Variants in RAP1A observed in about 807,000 individuals in gnomAD.
RAP1A encodes the protein ras-related protein Rap-1A.
A neutral mutation model predicts 26.4 loss-of-function variants in RAP1A; 6 were observed. That is an observed-to-expected ratio of 0.23 (90% CI 0.12 to 0.45). RAP1A has a LOEUF of 0.45. RAP1A is among the 20% of genes least tolerant of loss of function. RAP1A has a pLI of 0.99. For synonymous variants in RAP1A, 73 were observed against 79.4 expected, an observed-to-expected ratio of 0.92 and a Z score of 0.43; for missense variants, 121 against 217.2, an observed-to-expected ratio of 0.56 and a Z score of 2.78.
chr1:111,561,756 G>C (rs1441824798), intron 1 of RAP1A, among the ~76,000 whole-genome samples: 4 of 152,156 alleles, frequency 2.6e-5, no homozygotes, highest in Non-Finnish European at 5.9e-5. Flanking sequence ...GTGTGTATGT[G>C]TGTGTACGTA....
chr1:111,558,876 CA>C (rs1351447890), intron 1 of RAP1A, among the ~76,000 whole-genome samples: 1 of 152,106 alleles, frequency 6.6e-6, no homozygotes, highest in Non-Finnish European at 1.5e-5. Flanking sequence ...ATTATTTAAA[CA>C]ACACCATAAG....
At chr1:111,641,654 C>T (rs561208665) in intron 1 of RAP1A, among the ~76,000 whole-genome samples, 5 of 152,094 alleles carry the variant, frequency 3.3e-5, no homozygotes, top group East Asian at 1.9e-4. Flanking sequence ...TGTGTGCGCG[C>T]GCATGCACAT....
At position 111,649,123 on chromosome 1, in the gene RAP1A, G is replaced by T. The variant is rs182472501; in HGVS notation, c.-28+29189G>T. Reference sequence around the variant, plus strand: ...GTAGCAAGATGGGCATTGTCAATCTGCAGAACGATGTGGGCATTGTCCACA... The same window carrying T: ...GTAGCAAGATGGGCATTGTCAATCTTCAGAACGATGTGGGCATTGTCCACA... On this transcript the variant is annotated intron_variant, in intron 1 of 7. Transcript: ENST00000369709. The T allele has an allele frequency of 4.4e-3, 2,565 of 587,024 alleles. 11 individuals carry two copies. Among genetic ancestry groups the T allele is most frequent in the Non-Finnish European group, 6.8e-3 (2,063 of 302,464 alleles). 36.4% of individuals were successfully genotyped at this position (587,024 alleles called of 1,614,324 possible). A position where few individuals can be genotyped will look rare whatever the true frequency, so the allele number is the denominator to read the frequency against.
Position 111,589,372 on chromosome 1 carries a change from G to T in RAP1A, c.-28+46863G>T, listed in dbSNP as rs138411848. Reference sequence around the variant, plus strand: ...AGGCAGGAGGATTATTTGAGCCCAGGAATTCAAGTCAAGCCTAGGCAACAT... The same window carrying T: ...AGGCAGGAGGATTATTTGAGCCCAGTAATTCAAGTCAAGCCTAGGCAACAT... On this transcript the variant is annotated intron_variant, in intron 1 of 7. Transcript: ENST00000356415. Among the ~76,000 whole-genome samples the T allele has an allele frequency of 8.1e-3, 1,232 of 152,278 alleles. 3 individuals are homozygous for T. Among genetic ancestry groups the T allele is most frequent in the Non-Finnish European group, 0.013 (852 of 68,030 alleles).
intron 1 of RAP1A, among the ~76,000 whole-genome samples, chr1:111,567,590 G>C (rs1340271003): frequency 1.3e-5 from 2 of 152,204 alleles, no homozygotes; most frequent in African/African-American, 4.8e-5. Flanking sequence ...CTTTATGGAG[G>C]TAACTGAGGT....
chr1:111,644,679 T>C (rs1660010252), intron 1 of RAP1A, among the ~76,000 whole-genome samples: 1 of 152,212 alleles, frequency 6.6e-6, no homozygotes, highest in African/African-American at 2.4e-5. Flanking sequence ...ACATAGATGG[T>C]CAGCTGGTAA....
chr1:111,551,613 G>A (rs1657260980), intron 1 of RAP1A, among the ~76,000 whole-genome samples: 1 of 152,076 alleles, frequency 6.6e-6, no homozygotes, highest in Non-Finnish European at 1.5e-5. Flanking sequence ...ATTGCTTTAT[G>A]TAGCTGTCTT....
chr1:111,659,986 A>C (rs1037021353), intron 1 of RAP1A, among the ~76,000 whole-genome samples: 1 of 152,332 alleles, frequency 6.6e-6, no homozygotes, highest in Admixed American at 6.5e-5. Context: ...TATTTTGAAC[A>C]AACTGTATAT....
intron 1 of RAP1A, among the ~76,000 whole-genome samples, chr1:111,598,358 C>T (rs1349200938): frequency 6.6e-6 from 1 of 152,108 alleles, no homozygotes; most frequent in Non-Finnish European, 1.5e-5. Context: ...ACTGAGTTTA[C>T]ATATAAGTAA....
intron 1 of RAP1A, among the ~76,000 whole-genome samples, chr1:111,566,020 A>G (rs1427797022): frequency 6.6e-6 from 1 of 152,066 alleles, no homozygotes; most frequent in Non-Finnish European, 1.5e-5. Flanking sequence ...CAGAATGATG[A>G]GTCCTGAAGT....
At position 111,613,878 on chromosome 1, in the gene RAP1A, G is replaced by C. The variant is rs114979153; in HGVS notation, c.-28+71369G>C. Among the ~76,000 whole-genome samples, 1,467 of 152,296 alleles carry C rather than the reference G, an allele frequency of 9.6e-3. 18 individuals are homozygous for C. Among genetic ancestry groups the C allele is most frequent in the African/African-American group, 0.034 (1,398 of 41,540 alleles). ...CACTAATATAGATAACATCGGTTTAGTTAATTCAAGTATACAAATAACCAG... is the reference window on the plus strand; with the variant it reads ...CACTAATATAGATAACATCGGTTTACTTAATTCAAGTATACAAATAACCAG... On this transcript the variant is annotated intron_variant, in intron 1 of 7. Transcript: ENST00000356415.
At chr1:111,657,004 C>T (rs1660481558) in intron 1 of RAP1A, among the ~76,000 whole-genome samples, 1 of 151,450 alleles carries the variant, frequency 6.6e-6, no homozygotes, top group Non-Finnish European at 1.5e-5. Flanking sequence ...ATTCCCCATC[C>T]CCCTTCTCCG....
upstream of RAP1A, among the ~76,000 whole-genome samples, chr1:111,614,995 C>T (rs1658989406): frequency 6.6e-6 from 1 of 152,042 alleles, no homozygotes; most frequent in African/African-American, 2.4e-5. Context: ...CAATATGAGA[C>T]AGGCCTTCAA....
chr1:111,582,891 C>A (rs974422471), intron 1 of RAP1A, among the ~76,000 whole-genome samples: 32 of 152,314 alleles, frequency 2.1e-4, no homozygotes, highest in Admixed American at 1.3e-4. Flanking sequence ...CCCACCTAGG[C>A]CAGAGCCTGG....
chr1:111,695,721 A>C (rs1473108009), intron 3 of RAP1A, among the ~76,000 whole-genome samples: 1 of 152,202 alleles, frequency 6.6e-6, no homozygotes, highest in Non-Finnish European at 1.5e-5. Context: ...TGTTACCAAC[A>C]ATTAAGACCA....
chr1:111,634,621 G>A (rs1343683649), intron 1 of RAP1A, among the ~76,000 whole-genome samples: 3 of 150,632 alleles, frequency 2.0e-5, no homozygotes, highest in East Asian at 1.9e-4. Flanking sequence ...ATGTATGTAT[G>A]TATGTATTTA....
chr1:111,611,734 A>G (rs2101080268), intron 1 of RAP1A, among the ~76,000 whole-genome samples: 1 of 152,264 alleles, frequency 6.6e-6, no homozygotes, highest in South Asian at 2.1e-4. Context: ...CAGAATTTGA[A>G]CTCACGCTGT....
chr1:111,708,859 A>G (rs1662282441), intron 6 of RAP1A, among the ~76,000 whole-genome samples: 1 of 152,090 alleles, frequency 6.6e-6, no homozygotes, highest in African/African-American at 2.4e-5. Context: ...TGTTGGTACT[A>G]TTTTTGCAAC....
intron 1 of RAP1A, among the ~76,000 whole-genome samples, chr1:111,641,321 T>C (rs1219243591): frequency 2.0e-5 from 3 of 152,204 alleles, no homozygotes; most frequent in Non-Finnish European, 2.9e-5. Context: ...TTCACTCTTA[T>C]TCTGTTCTTA....
Sources: gnomAD v4.1 joint callset for allele counts (sites outside exome capture counted in the v4.1 genomes callset) on GRCh38, gnomAD v4.1.1 for gene constraint, MANE v1.5 for transcripts, NCBI Gene and HGNC (gene_info 2026-07-23, HGNC 2026-07-21) for gene names.